The following SGCZ variants were observed in gnomAD, a reference collection of about 807,000 sequenced individuals.
SGCZ encodes the protein sarcoglycan zeta.
SGCZ carries 40 observed loss-of-function variants against 41.3 expected under a neutral mutation model. The ratio of observed to expected loss-of-function variants is 0.97; its 90% CI spans 0.75 to 1.26. The LOEUF is 1.26. Ranked by LOEUF, SGCZ falls within the 50% of genes most tolerant of loss-of-function variation. The pLI, the probability that SGCZ is intolerant of heterozygous loss-of-function variation, is 0.00. For missense variants in SGCZ, 552 were observed against 369.8 expected (o/e 1.49, Z -4.04); for synonymous variants, 206 against 137.5 (o/e 1.50, Z -3.49).
At chr8:15,168,793 C>T (rs517123) in intron 1 of SGCZ, among the ~76,000 whole-genome samples, 30,602 of 152,112 alleles carry the variant, frequency 0.2, 3,611 homozygotes, top group African/African-American at 0.31. Context: ...CTCCATATGA[C>T]GGGACCCTCC....
intron 1 of SGCZ, among the ~76,000 whole-genome samples, chr8:15,163,807 A>C (rs1799579012): frequency 6.6e-6 from 1 of 152,200 alleles, no homozygotes; most frequent in Non-Finnish European, 1.5e-5. Flanking sequence ...ATAGTATACT[A>C]AGTTTCACTG....
At chr8:14,625,969 T>A (rs1306854630) in intron 1 of SGCZ, among the ~76,000 whole-genome samples, 5 of 152,104 alleles carry the variant, frequency 3.3e-5, no homozygotes, top group African/African-American at 1.2e-4. Flanking sequence ...CAAAGTTTCA[T>A]CCAAGGCCAA....
At chr8:15,115,097 G>C (rs971208871) in intron 1 of SGCZ, among the ~76,000 whole-genome samples, 2 of 152,086 alleles carry the variant, frequency 1.3e-5, no homozygotes, top group Non-Finnish European at 2.9e-5. Flanking sequence ...AAAAATATAA[G>C]AGTTTATTTC....
At chr8:14,168,102 C>T (rs936744952) in intron 4 of SGCZ, among the ~76,000 whole-genome samples, 1 of 152,068 alleles carries the variant, frequency 6.6e-6, no homozygotes, top group African/African-American at 2.4e-5. Context: ...CTATATAACT[C>T]TTCACTTTAA....
At chr8:14,260,364 C>T (rs1799614320) in intron 3 of SGCZ, among the ~76,000 whole-genome samples, 1 of 148,756 alleles carries the variant, frequency 6.7e-6, no homozygotes, top group Admixed American at 6.8e-5. Context: ...CATCACTGGC[C>T]ATCAGAGAAA....
At chr8:14,672,404 T>A (rs576963425) in intron 1 of SGCZ, among the ~76,000 whole-genome samples, 7 of 152,308 alleles carry the variant, frequency 4.6e-5, no homozygotes, top group Non-Finnish European at 7.4e-5. Flanking sequence ...TGATTGGGCT[T>A]TTAAACTACA....
chr8:15,171,704 T>C (rs1220155329), intron 1 of SGCZ, among the ~76,000 whole-genome samples: 2 of 152,180 alleles, frequency 1.3e-5, no homozygotes, highest in Admixed American at 1.3e-4. Flanking sequence ...ATCCTCTTCC[T>C]TTTTGAATAA....
intron 1 of SGCZ, among the ~76,000 whole-genome samples, chr8:14,723,532 G>A (rs1392252581): frequency 6.6e-6 from 1 of 152,124 alleles, no homozygotes; most frequent in Non-Finnish European, 1.5e-5. Flanking sequence ...CACGGAGCCT[G>A]GCCATAGGTG....
At chr8:14,110,738 T>G (rs1380158849) in intron 5 of SGCZ, among the ~76,000 whole-genome samples, 1 of 152,060 alleles carries the variant, frequency 6.6e-6, no homozygotes, top group Non-Finnish European at 1.5e-5. Context: ...GAACCAGGTA[T>G]GAAGTCTAAC....
At chr8:14,540,096 T>A (rs1368065766) in intron 2 of SGCZ, among the ~76,000 whole-genome samples, 1 of 151,932 alleles carries the variant, frequency 6.6e-6, no homozygotes, top group South Asian at 2.1e-4. Flanking sequence ...AATAAACTAA[T>A]CTATCCTGGC....
rs547574810 is a variant in SGCZ at position 14,167,045 on chromosome 8, T to C, written c.425-2343A>G. ...TTACAAGCAATTAGCAATGCATTGA[T>C]AGTACATAAATATTCTAAATCAGAA... On this transcript the variant is annotated intron_variant, in intron 4 of 7. Transcript: ENST00000382080. Among the ~76,000 whole-genome samples the C allele has an allele frequency of 2.0e-5, 3 of 152,288 alleles. No individual in the cohort carries two copies. In the South Asian group the frequency reaches 6.2e-4, roughly 32 times the overall value.
intron 1 of SGCZ, among the ~76,000 whole-genome samples, chr8:15,207,336 T>C (rs1172276154): frequency 2.0e-5 from 3 of 152,144 alleles, no homozygotes; most frequent in African/African-American, 7.2e-5. Flanking sequence ...TGTGAATAGA[T>C]GATGTGTGCC....
chr8:14,362,339 G>C (rs995011546), intron 2 of SGCZ, among the ~76,000 whole-genome samples: 3 of 152,172 alleles, frequency 2.0e-5, no homozygotes, highest in African/African-American at 4.8e-5. Flanking sequence ...TGCCCAGTTC[G>C]AGCTTTCCTG....
In SGCZ at chr8:14,331,920, G is replaced by A. The variant is rs527522427; in HGVS notation, c.235-7716C>T. On this transcript the variant is annotated intron_variant, in intron 2 of 7. Transcript: ENST00000382080. ...GATAATACAGGAAATATGTATCAGG[G>A]AAATATGTATTCATACTTATGAAAA... Among the ~76,000 whole-genome samples, 4 of 151,470 alleles carry A rather than the reference G, an allele frequency of 2.6e-5. No homozygotes were observed. In the East Asian group the frequency reaches 5.8e-4, roughly 22 times the overall value.
chr8:14,305,985 C>T (rs906626435), intron 3 of SGCZ, among the ~76,000 whole-genome samples: 1 of 152,122 alleles, frequency 6.6e-6, no homozygotes, highest in Non-Finnish European at 1.5e-5. Context: ...GACTTAGACA[C>T]TTATGTTAGG....
intron 2 of SGCZ, among the ~76,000 whole-genome samples, chr8:14,498,244 A>G (rs1451170525): frequency 1.3e-5 from 2 of 152,032 alleles, no homozygotes; most frequent in African/African-American, 2.4e-5. Context: ...GAATCCTTAA[A>G]ATTTTTATAG....
chr8:15,006,336 CAA>C (rs1802605991), intron 1 of SGCZ, among the ~76,000 whole-genome samples: 1 of 152,022 alleles, frequency 6.6e-6, no homozygotes, highest in South Asian at 2.1e-4. Context: ...GAGTGGCACT[CAA>C]AAATCCCTTG....
At chr8:14,747,701 G>C (rs1185205801) in intron 1 of SGCZ, among the ~76,000 whole-genome samples, 3 of 76,782 alleles carry the variant, frequency 3.9e-5, no homozygotes, top group Non-Finnish European at 8.8e-5. Context: ...ATGTGTGTGT[G>C]TATTTGTGTG....
intron 1 of SGCZ, among the ~76,000 whole-genome samples, chr8:14,642,131 G>C (rs1452246193): frequency 6.6e-6 from 1 of 151,650 alleles, no homozygotes; most frequent in Non-Finnish European, 1.5e-5. Flanking sequence ...CAGCCATACA[G>C]GCCAGTTAAA....
Sources: gnomAD v4.1 joint callset for allele counts (sites outside exome capture counted in the v4.1 genomes callset) on GRCh38, gnomAD v4.1.1 for gene constraint, MANE v1.5 for transcripts, NCBI Gene and HGNC (gene_info 2026-07-23, HGNC 2026-07-21) for gene names.